The following PRDM12 variants were observed in gnomAD, a reference collection of about 807,000 sequenced individuals.
PRDM12 encodes the protein PR domain zinc finger protein 12.
PRDM12 carries 17 observed loss-of-function variants against 29.6 expected under a neutral mutation model. The ratio of observed to expected loss-of-function variants is 0.57; its 90% CI spans 0.39 to 0.86. The LOEUF is 0.86. Ranked by LOEUF, PRDM12 falls within the 40% of genes least tolerant of loss-of-function variation. The pLI, the probability that PRDM12 is intolerant of heterozygous loss-of-function variation, is 0.00. For synonymous variants in PRDM12, 231 were observed against 225.8 expected, an observed-to-expected ratio of 1.02 and a Z score of -0.21; for missense variants, 422 against 510.8, an observed-to-expected ratio of 0.83 and a Z score of 1.68.
At position 130,682,450 on chromosome 9, in the gene PRDM12, A is replaced by G. The variant is rs1256248146; in HGVS notation, c.*781A>G. On this transcript the variant is annotated 3_prime_UTR_variant, in exon 5 of 5. Transcript: ENST00000253008. This position sits in a 1 kb window ranked among gnomAD's most constrained non-coding sequence, Gnocchi z 4.2. ...TGGGCCTCAGTTTCCCCATCTGTAA[A>G]ATGAAGGAGTTGGACCAATGCCCCC... 1 of 152,382 alleles carries G rather than the reference A, an allele frequency of 6.6e-6. No homozygotes were observed. Among genetic ancestry groups the G allele is most frequent in the Non-Finnish European group, 1.5e-5 (1 of 68,246 alleles). The allele number at this position is 152,382 out of a possible 1,614,324, so 9.4% of individuals were successfully genotyped here. A position where few individuals can be genotyped will look rare whatever the true frequency, so the allele number is the denominator to read the frequency against.
At chr9:130,669,471 C>T (rs1181651211) in intron 3 of PRDM12, among the ~76,000 whole-genome samples, 1 of 151,534 alleles carries the variant, frequency 6.6e-6, no homozygotes, top group African/African-American at 2.4e-5. Context: ...TGCAGTGAGC[C>T]GAGATAGTGT....
rs139769689 is a variant in PRDM12 at position 130,676,369 on chromosome 9, A to G, written c.571-2160A>G. ...GCCGGGCGTGGGTGTGGTGGCGGGCACCTGTAGTCCCAGCTACTCAGGAGG... is the reference window on the plus strand; with the variant it reads ...GCCGGGCGTGGGTGTGGTGGCGGGCGCCTGTAGTCCCAGCTACTCAGGAGG... On this transcript the variant is annotated intron_variant, in intron 3 of 4. Coordinates refer to ENST00000253008, the MANE Select transcript of PRDM12 (RefSeq NM_021619.3). Among the ~76,000 whole-genome samples the G allele has an allele frequency of 5.0e-3, 765 of 152,032 alleles. 5 individuals are homozygous for G. Among genetic ancestry groups the G allele is most frequent in the African/African-American group, 0.017 (697 of 41,456 alleles).
chr9:130,675,393 A>G (rs6597632), intron 3 of PRDM12, among the ~76,000 whole-genome samples: 103,281 of 151,946 alleles, frequency 0.68, 36,001 homozygotes, highest in East Asian at 0.99. Flanking sequence ...TACCTGCATG[A>G]GGCTGGTGTC....
intron 3 of PRDM12, among the ~76,000 whole-genome samples, chr9:130,677,259 T>C (rs1441676877): frequency 2.0e-5 from 3 of 152,154 alleles, no homozygotes; most frequent in African/African-American, 7.2e-5. Flanking sequence ...TGAGCAGAGC[T>C]TGCTGCAATG....
Position 130,681,832 on chromosome 9 carries a change from G to A in PRDM12, c.*163G>A. The A allele has an allele frequency of 1.6e-6, 1 of 622,380 alleles. No individual in the cohort carries two copies. The highest frequency in any genetic ancestry group is 2.0e-6 in the Non-Finnish European group (1 of 498,610). 38.6% of individuals were successfully genotyped at this position (622,380 alleles called of 1,614,324 possible). ...GGCGGATCTCAGGCACCCCCGCCTT[G>A]GCCCGTGTCGCAGATGAGGACACTG... is the stretch of plus-strand genomic sequence containing the variant. On this transcript the variant is annotated 3_prime_UTR_variant, in exon 5 of 5. Coordinates refer to ENST00000253008, the MANE Select transcript of PRDM12 (RefSeq NM_021619.3). The surrounding 1 kb of genome is among the most constrained non-coding windows in gnomAD (Gnocchi z 8.1).
At chr9:130,666,369 T>C (rs569064625) in intron 1 of PRDM12, among the ~76,000 whole-genome samples, 1 of 152,266 alleles carries the variant, frequency 6.6e-6, no homozygotes, top group African/African-American at 2.4e-5. Flanking sequence ...CTAAAAATGA[T>C]CCCCAACGCA....
intron 4 of PRDM12, among the ~76,000 whole-genome samples, chr9:130,680,632 A>ATATAT (rs1246642229): frequency 5.2e-5 from 4 of 77,342 alleles, no homozygotes; most frequent in South Asian, 4.4e-4. Flanking sequence ...CTAAAAAAAA[A>ATATAT]AAATATATAT....
intron 1 of PRDM12, 131 bp from the exon 2 acceptor site, chr9:130,666,477 T>G: frequency 8.3e-7 from 1 of 1,200,606 alleles, no homozygotes; most frequent in Admixed American, 3.2e-5. Flanking sequence ...CCGGGTGGCT[T>G]CTCTGGATTT....
chr9:130,674,591 A>C (rs1230555899), intron 3 of PRDM12, among the ~76,000 whole-genome samples: 2 of 151,444 alleles, frequency 1.3e-5, no homozygotes, highest in Non-Finnish European at 2.9e-5. Flanking sequence ...TGTAGATGGC[A>C]TCATGCTACT....
In PRDM12 at chr9:130,679,385, C is replaced by T. The variant is rs146982057; in HGVS notation, c.682+745C>T. ...TTTCACTCTGTCACCCAGGCTGGAA[C>T]GCAGTGGCGTGATCTTGGCTCATTG... On this transcript the variant is annotated intron_variant, in intron 4 of 4. Coordinates refer to ENST00000253008, the MANE Select transcript of PRDM12 (RefSeq NM_021619.3). Among the ~76,000 whole-genome samples the T allele has an allele frequency of 4.3e-5, 6 of 138,430 alleles. No homozygotes were observed. The East Asian group carries it at 6.4e-4, about 15-fold the overall frequency. The allele number at this position is 138,430 out of a possible 152,430, so 90.8% of individuals were successfully genotyped here.
chr9:130,667,533 T>TC (rs55664821), intron 2 of PRDM12, among the ~76,000 whole-genome samples: 80 of 151,266 alleles, frequency 5.3e-4, no homozygotes, highest in African/African-American at 1.6e-3. Flanking sequence ...CCACTCCAGC[T>TC]CCCCCCGGCG....
chr9:130,670,808 G>A (rs1830782600), intron 3 of PRDM12, among the ~76,000 whole-genome samples: 1 of 152,130 alleles, frequency 6.6e-6, no homozygotes. Context: ...ACAAGAGACA[G>A]ACCAGAAACG....
intron 2 of PRDM12, among the ~76,000 whole-genome samples, chr9:130,667,818 A>AC (rs1830747652): frequency 6.6e-6 from 1 of 151,984 alleles, no homozygotes; most frequent in African/African-American, 2.4e-5. Flanking sequence ...CATGGGGAGC[A>AC]CCTCTGCATC....
intron 4 of PRDM12, among the ~76,000 whole-genome samples, chr9:130,680,623 TAA>T (rs753422507): frequency 0.012 from 977 of 78,876 alleles, 19 homozygotes; most frequent in African/African-American, 0.017. Context: ...AGACTCCGTC[TAA>T]AAAAAAAAAA....
intron 4 of PRDM12, among the ~76,000 whole-genome samples, chr9:130,680,940 C>G (rs1165254052): frequency 2.0e-5 from 3 of 151,894 alleles, no homozygotes; most frequent in Non-Finnish European, 4.4e-5. Context: ...ATCGTACGCC[C>G]GAAAAGGCAG....
At chr9:130,665,077 C>T (rs1286069972) in intron 1 of PRDM12, among the ~76,000 whole-genome samples, 1 of 152,116 alleles carries the variant, frequency 6.6e-6, no homozygotes, top group Non-Finnish European at 1.5e-5. Flanking sequence ...GCAGCCCACC[C>T]GGCTCAAGGA....
chr9:130,679,330 C>CTTTTTTT (rs68186892), intron 4 of PRDM12, among the ~76,000 whole-genome samples: 1 of 116,540 alleles, frequency 8.6e-6, no homozygotes. Flanking sequence ...TTCTTTCTTC[C>CTTTTTTT]TTTTTTTTTT....
intron 4 of PRDM12, among the ~76,000 whole-genome samples, chr9:130,680,660 T>TATATATATA (rs1554753125): frequency 3.6e-4 from 18 of 49,378 alleles, no homozygotes; most frequent in South Asian, 1.2e-3. Flanking sequence ...TATATATATA[T>TATATATATA]TTTTTTTTTT....
chr9:130,668,412 A>T lies in PRDM12; in HGVS notation c.570+99A>T. Reference sequence around the variant, plus strand: ...GGTGTCCAGGAACCACAGTGGACAGAGGGGAGCTGACACTGGCCTCGCTGG... The same window carrying T: ...GGTGTCCAGGAACCACAGTGGACAGTGGGGAGCTGACACTGGCCTCGCTGG... On this transcript the variant is annotated intron_variant, in intron 3 of 4. Transcript: ENST00000253008. The surrounding 1 kb of genome is among the most constrained non-coding windows in gnomAD (Gnocchi z 4.0). The T allele has an allele frequency of 6.4e-7, 1 of 1,555,692 alleles. No homozygotes were observed. Among genetic ancestry groups the T allele is most frequent in the Non-Finnish European group, 8.8e-7 (1 of 1,141,874 alleles).
Sources: allele counts gnomAD v4.1 joint callset (sites outside exome capture counted in the v4.1 genomes callset), GRCh38; gene constraint gnomAD v4.1.1; non-coding constraint Gnocchi (gnomAD v3.1); transcripts MANE v1.5; gene names NCBI Gene and HGNC (gene_info 2026-07-23, HGNC 2026-07-21).